Variants in DCAF6 observed in about 807,000 individuals in gnomAD.
The protein encoded by DCAF6 is DDB1- and CUL4-associated factor 6.
Under a neutral mutation model 125.1 loss-of-function variants are expected in DCAF6, and 54 were observed. The observed-to-expected ratio is 0.43, with a 90% CI of 0.35 to 0.54. The LOEUF (loss-of-function observed/expected upper bound fraction) is 0.54. Among genes scored for constraint, DCAF6 ranks in the 20% least tolerant of loss-of-function variants. The pLI, the probability that DCAF6 is intolerant of heterozygous loss-of-function variation, is 0.01. For synonymous variants in DCAF6, 371 were observed against 390.4 expected, an observed-to-expected ratio of 0.95 and a Z score of 0.58; for missense variants, 934 against 1,161.7, an observed-to-expected ratio of 0.80 and a Z score of 2.85.
Position 168,068,354 on chromosome 1 carries a change from G to T in DCAF6, c.2686-4G>T, listed in dbSNP as rs763026973. ...TTTGATACGATTTTTAACTTGCCTT[G>T]TAGGTTATAACTCGAAACGAACTCA... On this transcript the variant is annotated splice_polypyrimidine_tract_variant and splice_region_variant and intron_variant, in intron 20 of 21. Transcript: ENST00000367840. 1 of 1,599,524 alleles carries T rather than the reference G, an allele frequency of 6.3e-7. No homozygotes were observed. The highest frequency in any genetic ancestry group is 8.6e-7 in the Non-Finnish European group (1 of 1,169,176).
At chr1:167,953,001 G>A (rs463206) in intron 2 of DCAF6, among the ~76,000 whole-genome samples, 8 of 151,918 alleles carry the variant, frequency 5.3e-5, no homozygotes, top group East Asian at 1.9e-4. Context: ...CTGAAGATCC[G>A]CCTTGCTGAA....
upstream of DCAF6, chr1:167,935,782 C>T (rs185287770): frequency 1.7e-5 from 27 of 1,563,866 alleles, no homozygotes; most frequent in Admixed American, 3.8e-5. Flanking sequence ...GCATCAGCTC[C>T]ACTTTATCGA....
the DCAF6 span, among the ~76,000 whole-genome samples, chr1:167,885,857 G>A: frequency 3.3e-5 from 5 of 152,062 alleles, no homozygotes; most frequent in African/African-American, 9.7e-5. Flanking sequence ...CTCGTGACTT[G>A]CCCACCTCGG....
intron 2 of DCAF6, among the ~76,000 whole-genome samples, chr1:167,952,319 G>A (rs553142598): frequency 5.9e-5 from 9 of 152,168 alleles, no homozygotes; most frequent in African/African-American, 1.7e-4. Context: ...CCGGGTTCAC[G>A]TCATTCTCCT....
At chr1:168,048,152 G>T (rs182184255) in intron 16 of DCAF6, among the ~76,000 whole-genome samples, 1 of 152,232 alleles carries the variant, frequency 6.6e-6, no homozygotes, top group Non-Finnish European at 1.5e-5. Context: ...GTGAAGCTCT[G>T]TTGTAACAAT....
chr1:168,001,289 C>T (rs1682573054), intron 7 of DCAF6, among the ~76,000 whole-genome samples: 1 of 151,378 alleles, frequency 6.6e-6, no homozygotes, highest in South Asian at 2.1e-4. Flanking sequence ...GAGACCCTGC[C>T]TGGAAAAAAA....
the DCAF6 span, among the ~76,000 whole-genome samples, chr1:167,866,505 T>A: frequency 3.7e-5 from 5 of 136,692 alleles, no homozygotes; most frequent in African/African-American, 8.0e-5. Flanking sequence ...CTACCTGACC[T>A]GACGAAAGTG....
rs751501475 is a variant in DCAF6 at position 167,991,336 on chromosome 1, A to G, written c.685A>G (p.Thr229Ala). Residue 229 changes from threonine to alanine, a missense_variant, in exon 6 of 22, where the codon ACA becomes GCA. Thr to Ala is a moderately conservative substitution (Grantham distance 58). Coordinates refer to ENST00000367840, the MANE Select transcript of DCAF6 (RefSeq NM_001198956.2). ...TCGGCGAATGCTGGGCACAAGAGCT[A>G]CAGGTAAGAAGATAATATTAGAGAA... is the stretch of plus-strand genomic sequence containing the variant. ...YDRRMLGTRATGNYAGRGTTG... is the reference protein window; with the variant it reads ...YDRRMLGTRAAGNYAGRGTTG... 7 of 1,609,612 alleles carry G rather than the reference A, an allele frequency of 4.3e-6. No homozygotes were observed. The South Asian group carries it at 4.4e-5, about 10-fold the overall frequency.
chr1:167,945,587 G>A (rs1672948639), intron 1 of DCAF6, among the ~76,000 whole-genome samples: 1 of 152,118 alleles, frequency 6.6e-6, no homozygotes. Context: ...CGGCTCCCAG[G>A]TTCAAGCACT....
rs372622460 is a variant in DCAF6 at position 167,962,060 on chromosome 1, CTG to C, written c.160-4567_160-4566del. 1.5e-3 allele frequency among the ~76,000 whole-genome samples: 221 copies of C among 152,168 alleles called. 7 individuals are homozygous for C. The South Asian group carries it at 0.043, about 29-fold the overall frequency. On this transcript the variant is annotated intron_variant, in intron 2 of 21. Transcript: ENST00000367840. ...TTCCATTGTGGTCTAAGAGTAGACA[CTG>C]TTTGATTTTTATTCTTTTAAATTTG...
chr1:167,874,776 T>C, the DCAF6 span, among the ~76,000 whole-genome samples: 1 of 152,134 alleles, frequency 6.6e-6, no homozygotes, highest in African/African-American at 2.4e-5. Flanking sequence ...GAATACTACA[T>C]AGTAATGACA....
At chr1:167,944,691 A>G (rs983854978) in intron 1 of DCAF6, among the ~76,000 whole-genome samples, 5 of 152,224 alleles carry the variant, frequency 3.3e-5, no homozygotes, top group East Asian at 1.9e-4. Context: ...TTCCTTGTGT[A>G]GTCTGGATAT....
chr1:167,896,790 A>G, the DCAF6 span: 4 of 832,116 alleles, frequency 4.8e-6, no homozygotes, highest in South Asian at 5.5e-5. Flanking sequence ...TTTTGACTGA[A>G]CAGTGATTGG....
At chr1:167,935,703 C>T, upstream of DCAF6, 1 of 1,537,442 alleles carries the variant, frequency 6.5e-7, no homozygotes, top group Non-Finnish European at 8.8e-7. Flanking sequence ...GAAGGAAGGT[C>T]TCGATAAGGA....
intron 17 of DCAF6, chr1:168,055,802 T>A (rs1690642208): frequency 3.6e-6 from 3 of 832,330 alleles, no homozygotes; most frequent in Non-Finnish European, 6.0e-6. Context: ...CCATCGGTAA[T>A]ACTAAAAGTT....
the DCAF6 span, among the ~76,000 whole-genome samples, chr1:167,874,767 A>G: frequency 6.6e-6 from 1 of 152,230 alleles, no homozygotes; most frequent in Non-Finnish European, 1.5e-5. Flanking sequence ...ATAAAAATGG[A>G]ATACTACATA....
At chr1:168,059,025 G>A (rs962101342) in intron 17 of DCAF6, among the ~76,000 whole-genome samples, 1 of 151,372 alleles carries the variant, frequency 6.6e-6, no homozygotes, top group African/African-American at 2.4e-5. Flanking sequence ...CTGTTTTTAG[G>A]CTGTTTTTTG....
rs1422462905 is a variant in DCAF6, at chr1:168,075,603, TGG to T, written c.*170_*171del. 1 of 569,700 alleles carries T rather than the reference TGG, an allele frequency of 1.8e-6. No homozygotes were observed. The highest frequency in any genetic ancestry group is 3.8e-5 in the Admixed American group (1 of 26,156). The allele number at this position is 569,700 out of a possible 1,614,324, so 35.3% of individuals were successfully genotyped here. ...TTTGGAATGATTGTGTGCATGAATTTGGGAGATTGTATAAAACAAAACTAGCA... is the reference window on the plus strand; with the variant it reads ...TTTGGAATGATTGTGTGCATGAATTTGAGATTGTATAAAACAAAACTAGCA... On this transcript the variant is annotated 3_prime_UTR_variant, in exon 22 of 22. Transcript: ENST00000367840.
In DCAF6 at chr1:168,063,640, A is replaced by C; in HGVS notation, c.2320A>C (p.Ile774Leu). Reference sequence around the variant, plus strand: ...ATATAGACGCTCTGCTGTTGCCCGTATTCAGGAGTTCTTCAGACGGAGAAA... The same window carrying C: ...ATATAGACGCTCTGCTGTTGCCCGTCTTCAGGAGTTCTTCAGACGGAGAAA... ...RIMRRSAVAR[I>L]QEFFRRRKER... The change falls in exon 18 of 22, where the codon ATT becomes CTT. Residue 774 changes from isoleucine to leucine, a missense_variant. By Grantham distance (5) the Ile-to-Leu change is conservative. Around this residue, in one of 5 missense-constraint regions of DCAF6, gnomAD observed 559 missense variants for 635.5 expected, o/e 0.88. Transcript: ENST00000367840. The C allele has an allele frequency of 6.3e-7, 1 of 1,597,076 alleles. No homozygotes were observed. The highest frequency in any genetic ancestry group is 1.4e-5 in the African/African-American group (1 of 73,700).
Sources: gnomAD v4.1 joint callset for allele counts (sites outside exome capture counted in the v4.1 genomes callset) on GRCh38, gnomAD v4.1.1 for gene constraint, gnomAD v4.1.1 regional missense constraint, MANE v1.5 for transcripts, NCBI Gene and HGNC (gene_info 2026-07-23, HGNC 2026-07-21) for gene names.